Variants in DPP10 observed in about 807,000 individuals in gnomAD.
The protein encoded by DPP10 is dipeptidyl peptidase like 10, also known as inactive dipeptidyl peptidase 10.
DPP10 carries 33 observed loss-of-function variants against 120.9 expected under a neutral mutation model. The observed-to-expected ratio is 0.27, with a 90% CI of 0.21 to 0.37. The LOEUF (loss-of-function observed/expected upper bound fraction) is 0.37, where lower values mean the gene tolerates loss of function less well. Ranked by LOEUF, DPP10 falls within the 10% of genes least tolerant of loss-of-function variation. DPP10 has a pLI of 1.00. For synonymous variants in DPP10, 337 were observed against 326.1 expected, an observed-to-expected ratio of 1.03 and a Z score of -0.36; for missense variants, 816 against 942.8, an observed-to-expected ratio of 0.87 and a Z score of 1.76.
chr2:115,715,641 A>G (rs62155333), intron 7 of DPP10, among the ~76,000 whole-genome samples: 12,933 of 152,290 alleles, frequency 0.085, 685 homozygotes, highest in Non-Finnish European at 0.11. Flanking sequence ...TCACAGACAC[A>G]TTAGGACTGC....
chr2:115,099,130 C>CAAA (rs55815168), intron 1 of DPP10, among the ~76,000 whole-genome samples: 4 of 74,800 alleles, frequency 5.3e-5, no homozygotes, highest in South Asian at 4.4e-4. Flanking sequence ...GCTAAAAATA[C>CAAA]AAAAAAAAAA....
chr2:114,932,671 G>T (rs1342738021), intron 1 of DPP10, among the ~76,000 whole-genome samples: 1 of 152,062 alleles, frequency 6.6e-6, no homozygotes, highest in Admixed American at 6.6e-5. Flanking sequence ...GTATTGACTG[G>T]GAAGAGAAAT....
intron 3 of DPP10, among the ~76,000 whole-genome samples, chr2:115,475,907 A>G (rs981724250): frequency 1.8e-4 from 27 of 152,208 alleles, no homozygotes; most frequent in African/African-American, 5.8e-4. Flanking sequence ...TATTTACCCA[A>G]TGCCTATACC....
intron 3 of DPP10, among the ~76,000 whole-genome samples, chr2:115,373,017 A>C (rs2065526660): frequency 6.6e-6 from 1 of 152,244 alleles, no homozygotes; most frequent in African/African-American, 2.4e-5. Context: ...CAATTACAAT[A>C]GAGGTTTGTA....
At chr2:114,576,152 C>T (rs1690033056) in intron 1 of DPP10, among the ~76,000 whole-genome samples, 1 of 152,110 alleles carries the variant, frequency 6.6e-6, no homozygotes, top group African/African-American at 2.4e-5. Context: ...TATCAAAGTC[C>T]TAACAGTAAA....
At chr2:115,543,743 T>G (rs2079321050) in intron 5 of DPP10, among the ~76,000 whole-genome samples, 1 of 151,998 alleles carries the variant, frequency 6.6e-6, no homozygotes, top group Admixed American at 6.6e-5. Flanking sequence ...AAGTCATTGC[T>G]TTTGGTTATG....
intron 3 of DPP10, among the ~76,000 whole-genome samples, chr2:115,344,630 TAAG>T (rs2063621707): frequency 6.6e-6 from 1 of 152,076 alleles, no homozygotes; most frequent in African/African-American, 2.4e-5. Context: ...GACATAAAAA[TAAG>T]AAAATAAAAC....
intron 21 of DPP10, among the ~76,000 whole-genome samples, chr2:115,833,369 A>G (rs1376991395): frequency 6.6e-6 from 1 of 152,160 alleles, no homozygotes; most frequent in African/African-American, 2.4e-5. Flanking sequence ...ATTCCTCACT[A>G]TGGGAAGAGT....
intron 4 of DPP10, among the ~76,000 whole-genome samples, chr2:115,522,601 A>C (rs1317485695): frequency 1.3e-5 from 2 of 152,072 alleles, no homozygotes; most frequent in African/African-American, 4.8e-5. Flanking sequence ...TATTTGCTTT[A>C]CTCTGTTTAT....
At chr2:114,620,421 C>A (rs928480114) in intron 1 of DPP10, among the ~76,000 whole-genome samples, 1 of 151,948 alleles carries the variant, frequency 6.6e-6, no homozygotes, top group South Asian at 2.1e-4. Context: ...TTGAAATAAT[C>A]ATTTTACTAT....
At chr2:115,415,719 A>G (rs2069329363) in intron 3 of DPP10, among the ~76,000 whole-genome samples, 1 of 151,628 alleles carries the variant, frequency 6.6e-6, no homozygotes, top group East Asian at 1.9e-4. Flanking sequence ...GAGGACATAT[A>G]TGCATGCCTG....
chr2:115,793,298 A>T (rs1415471984), intron 19 of DPP10, among the ~76,000 whole-genome samples: 1 of 152,110 alleles, frequency 6.6e-6, no homozygotes, highest in African/African-American at 2.4e-5. Flanking sequence ...CTGTTGCCTT[A>T]TAAATAAATT....
intron 1 of DPP10, among the ~76,000 whole-genome samples, chr2:114,947,719 T>C (rs1207973838): frequency 6.6e-6 from 1 of 152,114 alleles, no homozygotes; most frequent in African/African-American, 2.4e-5. Context: ...TTTCTGAGTC[T>C]GAGTTAACTC....
At chr2:115,273,182 G>A (rs1260258652) in intron 1 of DPP10, among the ~76,000 whole-genome samples, 1 of 152,016 alleles carries the variant, frequency 6.6e-6, no homozygotes, top group Non-Finnish European at 1.5e-5. Flanking sequence ...GTTCAAGTGT[G>A]GAGTACATTT....
In DPP10 at chr2:114,522,950, G is replaced by A. The variant is rs575992449; in HGVS notation, c.60+80112G>A. Among the ~76,000 whole-genome samples, 11 of 152,238 alleles carry A rather than the reference G, an allele frequency of 7.2e-5. No individual in the cohort carries two copies. The South Asian group carries it at 1.2e-3, about 17-fold the overall frequency. On this transcript the variant is annotated intron_variant, in intron 1 of 25. Coordinates refer to ENST00000410059, the MANE Select transcript of DPP10 (RefSeq NM_020868.6). ...TGCCACCATGATTCAATTACCTCCCGCTGAGTTCCTCCTACAACACATGGG... is the reference window on the plus strand; with the variant it reads ...TGCCACCATGATTCAATTACCTCCCACTGAGTTCCTCCTACAACACATGGG...
At chr2:115,448,318 AT>A (rs532670274) in intron 3 of DPP10, among the ~76,000 whole-genome samples, 17 of 152,326 alleles carry the variant, frequency 1.1e-4, no homozygotes, top group Admixed American at 9.8e-4. Context: ...TAAGAAGATA[AT>A]CAATTAAAAA....
At chr2:115,792,542 C>T (rs771107695) in intron 19 of DPP10, among the ~76,000 whole-genome samples, 7 of 151,948 alleles carry the variant, frequency 4.6e-5, no homozygotes, top group Non-Finnish European at 1.0e-4. Flanking sequence ...AACTTTTCTC[C>T]CTTGTCCCTA....
chr2:115,774,968 A>G (rs1681916281), intron 13 of DPP10, among the ~76,000 whole-genome samples: 1 of 152,168 alleles, frequency 6.6e-6, no homozygotes, highest in Non-Finnish European at 1.5e-5. Flanking sequence ...AGACAATGAA[A>G]TTGAATTGCA....
chr2:115,671,192 T>G (rs1449467852), intron 5 of DPP10, among the ~76,000 whole-genome samples: 2 of 152,082 alleles, frequency 1.3e-5, no homozygotes, highest in Non-Finnish European at 2.9e-5. Context: ...TTTTTCTTTT[T>G]AAATTCATAT....
Sources: gnomAD v4.1 joint callset for allele counts (sites outside exome capture counted in the v4.1 genomes callset) on GRCh38, gnomAD v4.1.1 for gene constraint, MANE v1.5 for transcripts, NCBI Gene and HGNC (gene_info 2026-07-23, HGNC 2026-07-21) for gene names.